The following WDR70 variants were observed in gnomAD, a reference collection of about 807,000 sequenced individuals.
WDR70 encodes the protein WD repeat domain 70, also known as WD repeat-containing protein 70.
Under a neutral mutation model 88.6 loss-of-function variants are expected in WDR70, and 53 were observed. The observed-to-expected ratio is 0.60, with a 90% confidence interval of 0.48 to 0.75. WDR70 has a LOEUF of 0.75. Ranked by LOEUF, WDR70 falls within the 30% of genes least tolerant of loss-of-function variation. WDR70 has a pLI of 0.00. For missense variants in WDR70, 610 were observed against 823.2 expected (o/e 0.74, Z 3.17); for synonymous variants, 280 against 270.0 (o/e 1.04, Z -0.36).
chr5:37,556,746 G>A (rs141363513), intron 9 of WDR70, among the ~76,000 whole-genome samples: 34 of 152,300 alleles, frequency 2.2e-4, no homozygotes, highest in African/African-American at 8.2e-4. Flanking sequence ...GTCTTGGAGA[G>A]CAGGAACAAT....
intron 8 of WDR70, chr5:37,506,259 A>G (rs1240110631): frequency 2.2e-6 from 2 of 923,754 alleles, no homozygotes; most frequent in Non-Finnish European, 3.6e-6. Context: ...CTTTCGAGAT[A>G]TTGGTGAATG....
At chr5:37,646,133 T>C (rs754489373) in intron 10 of WDR70, among the ~76,000 whole-genome samples, 6 of 152,260 alleles carry the variant, frequency 3.9e-5, no homozygotes, top group Non-Finnish European at 7.4e-5. Context: ...ATCCATTGTA[T>C]GTTTTTTGAT....
At chr5:37,439,490 A>T (rs1750585000) in intron 6 of WDR70, among the ~76,000 whole-genome samples, 1 of 152,164 alleles carries the variant, frequency 6.6e-6, no homozygotes. Flanking sequence ...CATGAGTTTC[A>T]CAAGTTTGAT....
chr5:37,519,648 G>A (rs1741022476), intron 9 of WDR70, among the ~76,000 whole-genome samples: 1 of 150,546 alleles, frequency 6.6e-6, no homozygotes, highest in Non-Finnish European at 1.5e-5. Flanking sequence ...CCCAGACGGG[G>A]CGGCCGGGCG....
chr5:37,478,101 C>G (rs1561867524), intron 7 of WDR70, among the ~76,000 whole-genome samples: 1 of 152,184 alleles, frequency 6.6e-6, no homozygotes, highest in Admixed American at 6.5e-5. Context: ...ATAACCCAGT[C>G]TTTATATGCT....
intron 9 of WDR70, among the ~76,000 whole-genome samples, chr5:37,536,184 TG>T (rs1346373936): frequency 6.6e-6 from 1 of 152,182 alleles, no homozygotes; most frequent in African/African-American, 2.4e-5. Flanking sequence ...TGTATTCCCA[TG>T]GTTTCTTAGC....
At chr5:37,441,281 C>T (rs769261307) in intron 6 of WDR70, among the ~76,000 whole-genome samples, 1 of 151,996 alleles carries the variant, frequency 6.6e-6, no homozygotes, top group Admixed American at 6.6e-5. Flanking sequence ...CATTATTGTT[C>T]GGGCATAAAA....
chr5:37,392,006 G>C lies in WDR70; in HGVS notation c.182G>C (p.Arg61Thr), dbSNP rs371273924. ...CTTTTTTTAATCTTTTCAGAAGCAA[G>C]AGAAAAAGAGGAAGAAATGAACAGA... is the stretch of plus-strand genomic sequence containing the variant. ...VERSRKTLEA[R>T]EKEEEMNREK... is the part of the protein sequence containing the mutation. The change falls in exon 4 of 18, where the codon AGA becomes ACA. Residue 61 changes from arginine to threonine, a missense_variant. Coordinates refer to ENST00000265107, the MANE Select transcript of WDR70 (RefSeq NM_018034.4). The C allele has an allele frequency of 1.8e-5, 28 of 1,594,836 alleles. No individual in the cohort carries two copies. The highest frequency in any genetic ancestry group is 2.3e-5 in the Non-Finnish European group (27 of 1,175,268).
chr5:37,425,854 G>A (rs1421305232), intron 5 of WDR70, among the ~76,000 whole-genome samples: 1 of 152,200 alleles, frequency 6.6e-6, no homozygotes, highest in Non-Finnish European at 1.5e-5. Context: ...AGTGGCAGTA[G>A]TTGCTGAGAT....
chr5:37,631,677 A>G (rs1267039023), intron 10 of WDR70, among the ~76,000 whole-genome samples: 6 of 152,104 alleles, frequency 3.9e-5, no homozygotes, highest in Non-Finnish European at 2.9e-5. Flanking sequence ...CAGGGTCTGT[A>G]CTTTTAACCA....
chr5:37,531,855 G>A (rs1373252285), intron 9 of WDR70, among the ~76,000 whole-genome samples: 4 of 151,720 alleles, frequency 2.6e-5, no homozygotes, highest in Non-Finnish European at 5.9e-5. Flanking sequence ...TACAGGTCCT[G>A]TGAGATTTAT....
intron 7 of WDR70, among the ~76,000 whole-genome samples, chr5:37,465,769 CTTAT>C (rs1414282320): frequency 1.7e-5 from 2 of 120,148 alleles, no homozygotes; most frequent in South Asian, 2.8e-4. Flanking sequence ...AAAAGATGTT[CTTAT>C]TTATTTATAT....
chr5:37,381,706 T>C, intron 3 of WDR70, 21 bp downstream of exon 3: 1 of 1,603,274 alleles, frequency 6.2e-7, no homozygotes, highest in Non-Finnish European at 8.5e-7. Flanking sequence ...CAGATATTTG[T>C]TCTTTTATTG....
intron 10 of WDR70, among the ~76,000 whole-genome samples, chr5:37,668,319 T>C (rs1745923431): frequency 1.3e-5 from 2 of 152,194 alleles, no homozygotes; most frequent in African/African-American, 4.8e-5. Flanking sequence ...TCAGATAATA[T>C]CTGCCTTTTT....
At chr5:37,569,299 C>G (rs181856081) in intron 9 of WDR70, among the ~76,000 whole-genome samples, 81 of 152,172 alleles carry the variant, frequency 5.3e-4, no homozygotes, top group Non-Finnish European at 1.0e-3. Context: ...GAATGTGTGT[C>G]CTTGGAAGGG....
At chr5:37,379,595 G>C (rs1188863214) in intron 2 of WDR70, 41 bp downstream of exon 2, 2 of 1,608,238 alleles carry the variant, frequency 1.2e-6, no homozygotes, top group African/African-American at 2.7e-5. Flanking sequence ...TCCTTGTGCA[G>C]AGGTTTGAAG....
chr5:37,486,226 CTCTATGTTAAACCCT>C (rs1212462426), intron 8 of WDR70, among the ~76,000 whole-genome samples: 5 of 152,186 alleles, frequency 3.3e-5, no homozygotes, highest in Admixed American at 3.3e-4. Flanking sequence ...TTTCAGACTG[CTCTATGTTAAACCCT>C]AGTGAAGTGC....
intron 10 of WDR70, among the ~76,000 whole-genome samples, chr5:37,669,980 A>C (rs563619431): frequency 8.5e-5 from 13 of 152,358 alleles, no homozygotes; most frequent in African/African-American, 3.1e-4. Context: ...AAATCTACAC[A>C]GAAACTAAAT....
chr5:37,509,911 A>T (rs1195984303), intron 8 of WDR70, among the ~76,000 whole-genome samples: 1 of 151,916 alleles, frequency 6.6e-6, no homozygotes, highest in Non-Finnish European at 1.5e-5. Context: ...TAAATAAAAA[A>T]TCAGCTGGGT....
Sources: gnomAD v4.1 joint callset for allele counts (sites outside exome capture counted in the v4.1 genomes callset) on GRCh38, gnomAD v4.1.1 for gene constraint, MANE v1.5 for transcripts, NCBI Gene and HGNC (gene_info 2026-07-23, HGNC 2026-07-21) for gene names.